CSMD1: variants seen among roughly 807,000 people sequenced by gnomAD.
CSMD1 encodes CUB and sushi domain-containing protein 1.
In CSMD1, 213 loss-of-function variants were observed where a neutral mutation model predicts 417.5. The ratio of observed to expected loss-of-function variants is 0.51; its 90% CI spans 0.46 to 0.57. CSMD1 has a LOEUF of 0.57. Ranked by LOEUF, CSMD1 falls within the 20% of genes least tolerant of loss-of-function variation. The probability of loss-of-function intolerance (pLI) is 0.00; values close to 1 mark genes in which losing one functional copy is unlikely to be tolerated. For synonymous variants in CSMD1, 2,862 were observed against 1,736.8 expected, an observed-to-expected ratio of 1.65 and a Z score of -16.11; for missense variants, 6,923 against 4,529.7, an observed-to-expected ratio of 1.53 and a Z score of -15.17.
At chr8:4,578,440 C>G (rs1187933366) in intron 2 of CSMD1, among the ~76,000 whole-genome samples, 1 of 147,150 alleles carries the variant, frequency 6.8e-6, no homozygotes, top group Non-Finnish European at 1.5e-5. Context: ...CAGCAAGGGA[C>G]TACATCATAT....
At chr8:3,040,983 G>A (rs987611676) in intron 50 of CSMD1, among the ~76,000 whole-genome samples, 2 of 152,050 alleles carry the variant, frequency 1.3e-5, no homozygotes, top group African/African-American at 4.8e-5. Context: ...TCATATTTCT[G>A]TTTCCTTTTC....
intron 2 of CSMD1, among the ~76,000 whole-genome samples, chr8:4,595,918 G>A (rs943099124): frequency 6.6e-6 from 1 of 151,990 alleles, no homozygotes; most frequent in Non-Finnish European, 1.5e-5. Flanking sequence ...CTTAAGGCCT[G>A]ACTGTAAATC....
intron 7 of CSMD1, among the ~76,000 whole-genome samples, chr8:3,632,452 C>G (rs916179112): frequency 6.6e-6 from 1 of 151,990 alleles, no homozygotes; most frequent in Admixed American, 6.6e-5. Context: ...GAGAAAAACA[C>G]CAAAAGTGCC....
chr8:2,990,545 G>T (rs1439554198), intron 54 of CSMD1, among the ~76,000 whole-genome samples: 1 of 151,992 alleles, frequency 6.6e-6, no homozygotes, highest in African/African-American at 2.4e-5. Flanking sequence ...CTATACGATC[G>T]ACTTGCTAAT....
At chr8:4,051,879 T>TCCTC (rs1449432063) in intron 3 of CSMD1, among the ~76,000 whole-genome samples, 1 of 61,874 alleles carries the variant, frequency 1.6e-5, no homozygotes, top group Non-Finnish European at 4.9e-5. Context: ...CTTCCTCCTT[T>TCCTC]CTTCCTTCCT....
intron 1 of CSMD1, among the ~76,000 whole-genome samples, chr8:4,878,526 G>A (rs1452905685): frequency 6.6e-6 from 1 of 151,754 alleles, no homozygotes; most frequent in African/African-American, 2.4e-5. Context: ...TTATTATTCA[G>A]AATGATTATT....
chr8:3,306,201 C>G (rs4875184), intron 25 of CSMD1, among the ~76,000 whole-genome samples: 5,560 of 152,282 alleles, frequency 0.037, 231 homozygotes, highest in Admixed American at 0.11. Context: ...GTGTAATACA[C>G]ATTACTAAGC....
intron 52 of CSMD1, among the ~76,000 whole-genome samples, chr8:3,015,660 C>T (rs1206632664): frequency 2.6e-5 from 4 of 151,974 alleles, no homozygotes; most frequent in Admixed American, 1.3e-4. Context: ...CATTTCCCCA[C>T]TACAAGTATC....
intron 6 of CSMD1, among the ~76,000 whole-genome samples, chr8:3,732,809 G>A (rs1327382945): frequency 2.0e-5 from 3 of 152,098 alleles, no homozygotes; most frequent in Non-Finnish European, 4.4e-5. Flanking sequence ...GTTTCACCTG[G>A]CCTCATCTCA....
intron 43 of CSMD1, among the ~76,000 whole-genome samples, chr8:3,109,556 G>A (rs1272098032): frequency 1.3e-5 from 2 of 151,960 alleles, no homozygotes; most frequent in Non-Finnish European, 2.9e-5. Context: ...AAATGAGCCC[G>A]TCATTCTGCA....
intron 3 of CSMD1, among the ~76,000 whole-genome samples, chr8:4,408,429 A>G (rs1253898743): frequency 6.6e-6 from 1 of 152,252 alleles, no homozygotes; most frequent in Non-Finnish European, 1.5e-5. Context: ...GGTTTTAAAG[A>G]AAAGAATTGG....
intron 2 of CSMD1, among the ~76,000 whole-genome samples, chr8:4,609,783 A>G (rs1470952013): frequency 6.6e-6 from 1 of 152,212 alleles, no homozygotes; most frequent in African/African-American, 2.4e-5. Flanking sequence ...GGAACAAACA[A>G]ACAAATCCAG....
chr8:3,547,022 G>T (rs1296182716), intron 10 of CSMD1, among the ~76,000 whole-genome samples: 1 of 152,154 alleles, frequency 6.6e-6, no homozygotes, highest in Admixed American at 6.5e-5. Flanking sequence ...ACAGATGTGG[G>T]GCTGGTCAGG....
intron 33 of CSMD1, 86 bp from the exon 34 acceptor site, chr8:3,190,201 A>T (rs925037715): frequency 2.0e-6 from 2 of 995,074 alleles, no homozygotes; most frequent in Non-Finnish European, 3.0e-6. Context: ...AGATGGGACC[A>T]AGGAGAGCTG....
intron 1 of CSMD1, among the ~76,000 whole-genome samples, chr8:4,830,794 C>G (rs1006743720): frequency 6.6e-6 from 1 of 152,082 alleles, no homozygotes; most frequent in African/African-American, 2.4e-5. Flanking sequence ...TCAAGTGCAG[C>G]CTACTGTGAG....
intron 8 of CSMD1, among the ~76,000 whole-genome samples, chr8:3,610,595 G>C (rs1801843903): frequency 6.6e-6 from 1 of 152,160 alleles, no homozygotes; most frequent in African/African-American, 2.4e-5. Flanking sequence ...AGATGCCCAT[G>C]ATCACTACAC....
chr8:3,195,342 G>A (rs1204139032), intron 33 of CSMD1, among the ~76,000 whole-genome samples: 1 of 152,098 alleles, frequency 6.6e-6, no homozygotes, highest in East Asian at 1.9e-4. Flanking sequence ...TGTGGGCTCT[G>A]CCTCTCTTGG....
intron 49 of CSMD1, among the ~76,000 whole-genome samples, chr8:3,057,233 T>TA (rs1481970674): frequency 2.0e-5 from 3 of 152,338 alleles, no homozygotes; most frequent in African/African-American, 7.2e-5. Context: ...TTGAATTTCA[T>TA]AAAAACATCA....
At chr8:4,454,890 A>G (rs1177048759) in intron 2 of CSMD1, among the ~76,000 whole-genome samples, 2 of 152,150 alleles carry the variant, frequency 1.3e-5, no homozygotes, top group Admixed American at 6.5e-5. Flanking sequence ...GTCCTGTGAT[A>G]CACCTACAGA....
Sources: gnomAD v4.1 joint callset for allele counts (sites outside exome capture counted in the v4.1 genomes callset) on GRCh38, gnomAD v4.1.1 for gene constraint, MANE v1.5 for transcripts, NCBI Gene and HGNC (gene_info 2026-07-23, HGNC 2026-07-21) for gene names.